The following TNNI3K variants were observed in gnomAD, a reference collection of about 807,000 sequenced individuals.
TNNI3K encodes TNNI3 interacting kinase.
Under a neutral mutation model 114.5 loss-of-function variants are expected in TNNI3K, and 140 were observed. The observed-to-expected ratio is 1.22, with a 90% CI of 1.07 to 1.41. The LOEUF (loss-of-function observed/expected upper bound fraction) is 1.41, where lower values mean the gene tolerates loss of function less well. TNNI3K is among the 40% of genes most tolerant of loss of function. The pLI, the probability that TNNI3K is intolerant of heterozygous loss-of-function variation, is 0.00. For missense variants in TNNI3K, 1,125 were observed against 1,007.6 expected, an observed-to-expected ratio of 1.12 and a Z score of -1.58; for synonymous variants, 347 against 347.5, an observed-to-expected ratio of 1.00 and a Z score of 0.02.
chr1:74,437,063 C>T (rs1471581687), intron 19 of TNNI3K, among the ~76,000 whole-genome samples: 1 of 151,944 alleles, frequency 6.6e-6, no homozygotes, highest in African/African-American at 2.4e-5. Flanking sequence ...CCCAATCCCT[C>T]CCCCTGAAAA....
At chr1:74,388,353 A>G (rs1022861991) in intron 17 of TNNI3K, among the ~76,000 whole-genome samples, 1 of 152,216 alleles carries the variant, frequency 6.6e-6, no homozygotes, top group Non-Finnish European at 1.5e-5. Flanking sequence ...GATGGCCACA[A>G]TATGCTTTGT....
rs150624615 is a variant in TNNI3K at position 74,334,001 on chromosome 1, G to A, written c.544-2010G>A. 1.2e-3 allele frequency among the ~76,000 whole-genome samples: 185 copies of A among 152,306 alleles called. 6 individuals carry two copies. The East Asian group carries it at 0.031, about 26-fold the overall frequency. On this transcript the variant is annotated intron_variant, in intron 6 of 24. Coordinates refer to ENST00000326637, the MANE Select transcript of TNNI3K (RefSeq NM_015978.3). Reference sequence around the variant, plus strand: ...CCATTAGCCAACAAAGAGATAAAATGCACATGCTCCAAGTTGGGGCTACCA... The same window carrying A: ...CCATTAGCCAACAAAGAGATAAAATACACATGCTCCAAGTTGGGGCTACCA...
At chr1:74,454,566 T>A (rs1448997581) in intron 20 of TNNI3K, among the ~76,000 whole-genome samples, 1 of 152,214 alleles carries the variant, frequency 6.6e-6, no homozygotes, top group African/African-American at 2.4e-5. Flanking sequence ...TTTTTATGTC[T>A]GAATAATATT....
At chr1:74,363,668 G>A (rs76546465) in intron 11 of TNNI3K, among the ~76,000 whole-genome samples, 52 of 152,110 alleles carry the variant, frequency 3.4e-4, no homozygotes, top group African/African-American at 1.1e-3. Context: ...TATAGGGGCT[G>A]AGATAGACTG....
chr1:74,380,868 T>G (rs913017328), intron 17 of TNNI3K, among the ~76,000 whole-genome samples: 6 of 152,138 alleles, frequency 3.9e-5, no homozygotes, highest in African/African-American at 7.2e-5. Context: ...TTGATTTGTG[T>G]TGTTGTGTTC....
intron 5 of TNNI3K, among the ~76,000 whole-genome samples, chr1:74,293,899 A>T (rs1657822579): frequency 6.6e-6 from 1 of 151,746 alleles, no homozygotes; most frequent in Non-Finnish European, 1.5e-5. Context: ...GTCCACAATT[A>T]CTATTAACAT....
intron 24 of TNNI3K, among the ~76,000 whole-genome samples, chr1:74,541,897 CA>C (rs1646731143): frequency 6.6e-6 from 1 of 152,164 alleles, no homozygotes; most frequent in Non-Finnish European, 1.5e-5. Flanking sequence ...CGCAATATAA[CA>C]ACAATTTTAT....
chr1:74,353,172 C>A, intron 9 of TNNI3K, 94 bp from the exon 10 acceptor site: 1 of 1,279,644 alleles, frequency 7.8e-7, no homozygotes, highest in Non-Finnish European at 1.1e-6. Context: ...GTTATAACTT[C>A]AGCATATGAT....
chr1:74,330,824 A>G (rs1380022028), intron 5 of TNNI3K, among the ~76,000 whole-genome samples: 1 of 152,082 alleles, frequency 6.6e-6, no homozygotes, highest in Non-Finnish European at 1.5e-5. Flanking sequence ...ACAAATATTT[A>G]TTGTATGATT....
intron 5 of TNNI3K, among the ~76,000 whole-genome samples, chr1:74,310,372 A>G (rs552990396): frequency 5.3e-4 from 80 of 152,350 alleles, no homozygotes; most frequent in African/African-American, 1.7e-3. Context: ...GGAGAAATCA[A>G]TTACTAACAT....
chr1:74,401,613 C>T (rs950798813), intron 17 of TNNI3K, among the ~76,000 whole-genome samples: 1 of 152,130 alleles, frequency 6.6e-6, no homozygotes, highest in Non-Finnish European at 1.5e-5. Context: ...GAGTACTAAA[C>T]ATTTTCACAA....
At chr1:74,453,382 C>T (rs45437694) in intron 20 of TNNI3K, among the ~76,000 whole-genome samples, 1,760 of 152,150 alleles carry the variant, frequency 0.012, 31 homozygotes, top group East Asian at 0.056. Context: ...AGTGGTTAGG[C>T]CATCTAGCAT....
At chr1:74,369,972 T>G (rs1441797370) in intron 16 of TNNI3K, 1 of 234,008 alleles carries the variant, frequency 4.3e-6, no homozygotes, top group Non-Finnish European at 8.1e-6. Context: ...CATATAGTAA[T>G]TAGAATGTAG....
chr1:74,475,185 T>C (rs935806750), intron 21 of TNNI3K: 35 of 556,342 alleles, frequency 6.3e-5, no homozygotes, highest in Middle Eastern at 3.1e-4. Context: ...AATAGACTAG[T>C]GCTATAGTGA....
rs540442542 is a variant in TNNI3K, at chr1:74,431,270, G to A, written c.1773-4810G>A. Among the ~76,000 whole-genome samples the A allele has an allele frequency of 1.8e-4, 27 of 152,018 alleles. No homozygotes were observed. The South Asian group carries it at 5.2e-3, about 29-fold the overall frequency. Reference sequence around the variant, plus strand: ...GGTATTAAGCAGTCTTCTGACTATAGGTCCTCTTTCTATGTAGTACCTCCT... The same window carrying A: ...GGTATTAAGCAGTCTTCTGACTATAAGTCCTCTTTCTATGTAGTACCTCCT... On this transcript the variant is annotated intron_variant, in intron 17 of 24. Coordinates refer to ENST00000326637, the MANE Select transcript of TNNI3K (RefSeq NM_015978.3).
At chr1:74,311,007 G>A (rs1298820535) in intron 5 of TNNI3K, among the ~76,000 whole-genome samples, 1 of 152,102 alleles carries the variant, frequency 6.6e-6, no homozygotes, top group Admixed American at 6.6e-5. Flanking sequence ...AAAGCCCTAA[G>A]TCAGTTGGTC....
At chr1:74,238,136 A>G (rs1296914036) in intron 2 of TNNI3K, among the ~76,000 whole-genome samples, 1 of 152,174 alleles carries the variant, frequency 6.6e-6, no homozygotes, top group African/African-American at 2.4e-5. Context: ...AATGAGTACC[A>G]TAGAAAGTTT....
intron 11 of TNNI3K, among the ~76,000 whole-genome samples, chr1:74,359,756 G>T (rs140429375): frequency 6.6e-6 from 1 of 151,990 alleles, no homozygotes; most frequent in East Asian, 1.9e-4. Flanking sequence ...AGTCAAGGAG[G>T]AATGTCAAAG....
chr1:74,524,176 T>C (rs1002132309), intron 23 of TNNI3K, among the ~76,000 whole-genome samples: 4 of 152,254 alleles, frequency 2.6e-5, no homozygotes, highest in African/African-American at 7.2e-5. Flanking sequence ...GTGAAAAGTC[T>C]TTAAAACACA....
Sources: allele counts gnomAD v4.1 joint callset (sites outside exome capture counted in the v4.1 genomes callset), GRCh38; gene constraint gnomAD v4.1.1; transcripts MANE v1.5; gene names NCBI Gene and HGNC (gene_info 2026-07-23, HGNC 2026-07-21).